Variants in LRRTM4 observed in about 807,000 individuals in gnomAD.
LRRTM4 encodes the protein leucine-rich repeat transmembrane neuronal protein 4.
In LRRTM4, 25 loss-of-function variants were observed where a neutral mutation model predicts 47.6. The observed-to-expected ratio is 0.53, with a 90% CI of 0.38 to 0.73. The LOEUF is 0.73. LRRTM4 is among the 30% of genes least tolerant of loss of function. The pLI, the probability that LRRTM4 is intolerant of heterozygous loss-of-function variation, is 0.00. For missense variants in LRRTM4, 638 were observed against 713.4 expected, an observed-to-expected ratio of 0.89 and a Z score of 1.20; for synonymous variants, 311 against 269.5, an observed-to-expected ratio of 1.15 and a Z score of -1.51.
chr2:77,308,611 A>G (rs1025020398), intron 3 of LRRTM4, among the ~76,000 whole-genome samples: 3 of 152,044 alleles, frequency 2.0e-5, no homozygotes, highest in African/African-American at 7.2e-5. Flanking sequence ...AATCCACACT[A>G]TGTAAGTGAA....
intron 3 of LRRTM4, among the ~76,000 whole-genome samples, chr2:76,784,115 T>G (rs1191444053): frequency 6.6e-6 from 1 of 152,120 alleles, no homozygotes; most frequent in Non-Finnish European, 1.5e-5. Flanking sequence ...CATGATATAT[T>G]AATATTTATC....
At chr2:76,993,842 A>G (rs544158349) in intron 3 of LRRTM4, among the ~76,000 whole-genome samples, 3 of 152,046 alleles carry the variant, frequency 2.0e-5, no homozygotes, top group Non-Finnish European at 4.4e-5. Flanking sequence ...TAGGAAAGAT[A>G]TGAAATCAAC....
At chr2:76,895,085 G>T (rs1673369479) in intron 3 of LRRTM4, among the ~76,000 whole-genome samples, 1 of 151,840 alleles carries the variant, frequency 6.6e-6, no homozygotes, top group Admixed American at 6.6e-5. Context: ...AAATTTAAAA[G>T]ACAATCTTAG....
At chr2:76,767,376 A>G (rs1158978864) in intron 3 of LRRTM4, among the ~76,000 whole-genome samples, 1 of 151,882 alleles carries the variant, frequency 6.6e-6, no homozygotes, top group African/African-American at 2.4e-5. Context: ...TGAATTGAAA[A>G]CTCATTTAGT....
intron 3 of LRRTM4, among the ~76,000 whole-genome samples, chr2:76,782,161 T>G (rs910205605): frequency 6.6e-6 from 1 of 152,214 alleles, no homozygotes; most frequent in African/African-American, 2.4e-5. Flanking sequence ...AAATAAAAGA[T>G]AAAATGGTAT....
intron 3 of LRRTM4, among the ~76,000 whole-genome samples, chr2:77,088,594 C>G (rs548891372): frequency 1.8e-4 from 28 of 152,284 alleles, no homozygotes; most frequent in African/African-American, 5.8e-4. Flanking sequence ...CGGACTCAGC[C>G]CGCCTGCACC....
intron 3 of LRRTM4, among the ~76,000 whole-genome samples, chr2:77,407,592 T>C (rs1038295779): frequency 3.1e-4 from 44 of 143,584 alleles, no homozygotes; most frequent in Admixed American, 5.1e-4. Context: ...ATATGATATA[T>C]TTGTATACAT....
At chr2:77,006,138 C>T (rs1000002136) in intron 3 of LRRTM4, among the ~76,000 whole-genome samples, 10 of 152,056 alleles carry the variant, frequency 6.6e-5, no homozygotes, top group African/African-American at 2.4e-4. Flanking sequence ...TCCTTTTCAA[C>T]CATGCTCTTC....
intron 3 of LRRTM4, among the ~76,000 whole-genome samples, chr2:77,331,065 G>GAT (rs59131659): frequency 0.012 from 1,887 of 152,152 alleles, 48 homozygotes; most frequent in African/African-American, 0.044. Context: ...TAATTTGAAA[G>GAT]ATAAAAGGTG....
chr2:76,942,577 A>G lies in LRRTM4; in HGVS notation c.1552-193661T>C, dbSNP rs1573346938. On this transcript the variant is annotated intron_variant, in intron 3 of 3. Transcript: ENST00000409884. ...TGTATGAATTTTTATTACAAAAATG[A>G]TCTGTCAAAAAGCTTCAACCCCAAC... 2.0e-5 allele frequency among the ~76,000 whole-genome samples: 3 copies of G among 151,476 alleles called. 1 individual carries two copies. The highest frequency in any genetic ancestry group is 7.3e-5 in the African/African-American group (3 of 41,232).
chr2:77,213,941 T>TA (rs1295155934), intron 3 of LRRTM4, among the ~76,000 whole-genome samples: 6 of 150,382 alleles, frequency 4.0e-5, no homozygotes, highest in African/African-American at 9.8e-5. Context: ...GCTCCTGCAT[T>TA]AAAAAAAATC....
chr2:76,927,005 T>A (rs1040180326), intron 3 of LRRTM4, among the ~76,000 whole-genome samples: 5 of 152,174 alleles, frequency 3.3e-5, no homozygotes, highest in East Asian at 1.9e-4. Context: ...ATATTTTACA[T>A]CTGCTTAATT....
At chr2:76,786,700 C>G (rs895531751) in intron 3 of LRRTM4, among the ~76,000 whole-genome samples, 1 of 151,806 alleles carries the variant, frequency 6.6e-6, no homozygotes, top group African/African-American at 2.4e-5. Context: ...TTCCTGCTTT[C>G]TAAGTGGTTC....
intron 3 of LRRTM4, among the ~76,000 whole-genome samples, chr2:77,477,961 AAGAAAGAAAAAG>A (rs1677501236): frequency 7.4e-6 from 1 of 135,868 alleles, no homozygotes; most frequent in African/African-American, 2.8e-5. Context: ...GAAAGAAAGA[AAGAAAGAAAAAG>A]AAAAAAAGCC....
At chr2:77,067,310 G>A (rs1010502060) in intron 3 of LRRTM4, among the ~76,000 whole-genome samples, 2 of 152,032 alleles carry the variant, frequency 1.3e-5, no homozygotes, top group East Asian at 3.9e-4. Context: ...TAAATTACAG[G>A]TGAGATAAAA....
intron 3 of LRRTM4, among the ~76,000 whole-genome samples, chr2:77,213,605 A>G (rs1866564): frequency 5.3e-5 from 8 of 152,182 alleles, no homozygotes; most frequent in Admixed American, 3.3e-4. Context: ...TTATTTTCCA[A>G]CAACAAAAGA....
intron 3 of LRRTM4, among the ~76,000 whole-genome samples, chr2:77,092,239 C>T (rs1321365398): frequency 2.0e-5 from 3 of 152,150 alleles, no homozygotes; most frequent in South Asian, 2.1e-4. Flanking sequence ...CGGCCTCCCA[C>T]ATTATTCCTG....
At chr2:77,396,497 A>G (rs538440132) in intron 3 of LRRTM4, among the ~76,000 whole-genome samples, 1 of 152,118 alleles carries the variant, frequency 6.6e-6, no homozygotes, top group Non-Finnish European at 1.5e-5. Flanking sequence ...TGTTAAATGA[A>G]TGACAGAAGA....
At chr2:76,974,616 T>C (rs983019145) in intron 3 of LRRTM4, among the ~76,000 whole-genome samples, 2 of 151,626 alleles carry the variant, frequency 1.3e-5, no homozygotes, top group African/African-American at 2.4e-5. Context: ...CTTTCATCTC[T>C]AATAAAAGTG....
Sources: allele counts gnomAD v4.1 joint callset (sites outside exome capture counted in the v4.1 genomes callset), GRCh38; gene constraint gnomAD v4.1.1; transcripts MANE v1.5; gene names NCBI Gene and HGNC (gene_info 2026-07-23, HGNC 2026-07-21).